ADAMTS20: variants seen among roughly 807,000 people sequenced by gnomAD.
The protein encoded by ADAMTS20 is A disintegrin and metalloproteinase with thrombospondin motifs 20.
In ADAMTS20, 225 loss-of-function variants were observed where a neutral mutation model predicts 260.1. The ratio of observed to expected loss-of-function variants is 0.87; its 90% CI spans 0.78 to 0.97. ADAMTS20 has a LOEUF of 0.97. Among genes scored for constraint, ADAMTS20 ranks in the 50% least tolerant of loss-of-function variants. The pLI, the probability that ADAMTS20 is intolerant of heterozygous loss-of-function variation, is 0.00. For missense variants in ADAMTS20, 2,400 were observed against 2,337.7 expected (o/e 1.03, Z -0.55); for synonymous variants, 802 against 769.5 (o/e 1.04, Z -0.70).
chr12:43,392,094 AT>A (rs1258758856), intron 29 of ADAMTS20, among the ~76,000 whole-genome samples: 3 of 152,158 alleles, frequency 2.0e-5, no homozygotes, highest in Admixed American at 1.3e-4. Context: ...TCAGAAAAAA[AT>A]ATACAGTTTT....
rs775057553 is a variant in ADAMTS20, at chr12:43,376,541, T to C, written c.5108A>G (p.Lys1703Arg). 4 of 1,612,782 alleles carry C rather than the reference T, an allele frequency of 2.5e-6. No homozygotes were observed. The highest frequency in any genetic ancestry group is 2.2e-5 in the East Asian group (1 of 44,862). ...LNHLKPGAQK[K>R]CYANDCKSFT... ...CTACTTACAGTCATTGGCATAACAT[T>C]TCTTTTGAGCACCTGGTTTTAAATG... is the stretch of plus-strand genomic sequence containing the variant. The change falls in exon 33 of 39, where the codon AAA (lysine) becomes AGA (arginine). Residue 1703 changes from lysine (K) to arginine (R), a missense_variant. Lys to Arg is a conservative substitution (Grantham distance 26). Coordinates refer to ENST00000389420, the MANE Select transcript of ADAMTS20 (RefSeq NM_025003.5).
chr12:43,391,499 A>G (rs1474632926), intron 29 of ADAMTS20, among the ~76,000 whole-genome samples: 1 of 152,202 alleles, frequency 6.6e-6, no homozygotes, highest in African/African-American at 2.4e-5. Flanking sequence ...AAGCCATATA[A>G]TAACAGAGCT....
At chr12:43,377,637 T>C in intron 31 of ADAMTS20, 75 bp from the exon 32 acceptor site, 1 of 1,197,120 alleles carries the variant, frequency 8.4e-7, no homozygotes, top group Non-Finnish European at 1.2e-6. Context: ...AGATGCTTAA[T>C]ATATATTATG....
intron 4 of ADAMTS20, among the ~76,000 whole-genome samples, chr12:43,494,104 C>T (rs913155261): frequency 1.3e-4 from 20 of 152,188 alleles, no homozygotes; most frequent in African/African-American, 4.3e-4. Context: ...AGAGGCATAT[C>T]CCACTCTGGA....
At chr12:43,521,490 C>CT (rs1943071350) in intron 3 of ADAMTS20, among the ~76,000 whole-genome samples, 1 of 152,138 alleles carries the variant, frequency 6.6e-6, no homozygotes, top group South Asian at 2.1e-4. Context: ...CAATTTACTT[C>CT]TTTATGTGCA....
At chr12:43,497,984 T>G (rs1275245117) in intron 4 of ADAMTS20, among the ~76,000 whole-genome samples, 3 of 152,124 alleles carry the variant, frequency 2.0e-5, no homozygotes, top group African/African-American at 7.2e-5. Flanking sequence ...AAGAAAAAAC[T>G]GCTCTAGTTT....
At chr12:43,481,673 G>A (rs1266994822) in intron 7 of ADAMTS20, among the ~76,000 whole-genome samples, 1 of 152,142 alleles carries the variant, frequency 6.6e-6, no homozygotes, top group African/African-American at 2.4e-5. Context: ...CATTTCTATG[G>A]ACCGGCATCA....
chr12:43,376,562 A>G lies in ADAMTS20; in HGVS notation c.5087T>C (p.Leu1696Ser). ...ACATTTCTTTTGAGCACCTGGTTTT[A>G]AATGGTTTAAACATAAGTCACTGGA... ...GLSSDLCLNH[L>S]KPGAQKKCYA... Residue 1696 changes from leucine to serine, a missense_variant, in exon 33 of 39, where the codon TTA becomes TCA. Leu to Ser is a moderately radical substitution (Grantham distance 145). Coordinates refer to ENST00000389420, the MANE Select transcript of ADAMTS20 (RefSeq NM_025003.5). 6.2e-7 allele frequency: 1 copy of G among 1,613,522 alleles called. No individual in the cohort carries two copies. The highest frequency in any genetic ancestry group is 8.5e-7 in the Non-Finnish European group (1 of 1,179,742).
At chr12:43,536,900 C>A (rs371892740) in intron 2 of ADAMTS20, among the ~76,000 whole-genome samples, 1 of 152,128 alleles carries the variant, frequency 6.6e-6, no homozygotes, top group African/African-American at 2.4e-5. Flanking sequence ...TCTGTGAAGA[C>A]CCAATTCAGA....
At chr12:43,433,546 T>C (rs371748433) in intron 19 of ADAMTS20, among the ~76,000 whole-genome samples, 2 of 152,266 alleles carry the variant, frequency 1.3e-5, no homozygotes, top group Non-Finnish European at 2.9e-5. Context: ...CATAAATATA[T>C]AGAAATTCTC....
At chr12:43,446,507 G>A in intron 15 of ADAMTS20, 88 bp downstream of exon 15, 1 of 1,013,594 alleles carries the variant, frequency 9.9e-7, no homozygotes, top group South Asian at 1.5e-5. Flanking sequence ...AGACAAAACA[G>A]TAACAAAGAA....
intron 28 of ADAMTS20, among the ~76,000 whole-genome samples, chr12:43,419,904 A>G (rs539093907): frequency 6.6e-6 from 1 of 152,254 alleles, no homozygotes; most frequent in African/African-American, 2.4e-5. Context: ...ATCCATCTAC[A>G]TTCTCTTCTT....
intron 28 of ADAMTS20, among the ~76,000 whole-genome samples, chr12:43,401,494 G>A (rs1940808716): frequency 6.6e-6 from 1 of 151,674 alleles, no homozygotes; most frequent in South Asian, 2.1e-4. Context: ...ATCTATGAGT[G>A]GAATATAAAC....
At chr12:43,494,586 G>A (rs972914757) in intron 4 of ADAMTS20, among the ~76,000 whole-genome samples, 1 of 152,164 alleles carries the variant, frequency 6.6e-6, no homozygotes, top group Non-Finnish European at 1.5e-5. Context: ...TTTGGCTCTG[G>A]TGGTAGCATG....
intron 7 of ADAMTS20, among the ~76,000 whole-genome samples, chr12:43,479,381 A>G (rs1942408416): frequency 6.6e-6 from 1 of 152,178 alleles, no homozygotes; most frequent in Non-Finnish European, 1.5e-5. Context: ...AACTCAAAGA[A>G]TATACATTCT....
intron 37 of ADAMTS20, among the ~76,000 whole-genome samples, chr12:43,358,997 C>T (rs796226491): frequency 6.0e-4 from 92 of 152,186 alleles, no homozygotes; most frequent in African/African-American, 2.1e-3. Context: ...AAACCTCAAA[C>T]CTAATCTTTA....
intron 18 of ADAMTS20, among the ~76,000 whole-genome samples, chr12:43,436,103 C>A (rs1199757260): frequency 6.6e-6 from 1 of 151,512 alleles, no homozygotes; most frequent in Non-Finnish European, 1.5e-5. Flanking sequence ...AGAAAAAAAA[C>A]AGCAAGGAAA....
chr12:43,492,428 GAATT>G (rs1942616309), intron 6 of ADAMTS20, 73 bp downstream of exon 6: 2 of 1,419,726 alleles, frequency 1.4e-6, no homozygotes, highest in Non-Finnish European at 1.9e-6. Context: ...ACAAAAAAAA[GAATT>G]AAGAAGAAGT....
chr12:43,439,481 A>G, intron 18 of ADAMTS20, 141 bp downstream of exon 18: 1 of 979,454 alleles, frequency 1.0e-6, no homozygotes, highest in Non-Finnish European at 1.5e-6. Flanking sequence ...AAAGGAAAAA[A>G]AGATTGAAAA....
Sources: allele counts gnomAD v4.1 joint callset (sites outside exome capture counted in the v4.1 genomes callset), GRCh38; gene constraint gnomAD v4.1.1; transcripts MANE v1.5; gene names NCBI Gene and HGNC (gene_info 2026-07-23, HGNC 2026-07-21).